Variants in XIRP2 observed in about 807,000 individuals in gnomAD.
XIRP2 encodes xin actin-binding repeat-containing protein 2.
Under a neutral mutation model 277.0 loss-of-function variants are expected in XIRP2, and 236 were observed. That is an observed-to-expected ratio of 0.85 (90% CI 0.77 to 0.95). XIRP2 has a LOEUF of 0.95. Ranked by LOEUF, XIRP2 falls within the 40% of genes least tolerant of loss-of-function variation. The pLI is 0.00. For synonymous variants in XIRP2, 1,490 were observed against 1,416.5 expected (o/e 1.05, Z -1.17); for missense variants, 4,640 against 4,157.5 (o/e 1.12, Z -3.19).
intron 3 of XIRP2, among the ~76,000 whole-genome samples, chr2:167,193,879 CAAAA>C (rs767047580): frequency 2.8e-5 from 2 of 71,794 alleles, no homozygotes; most frequent in Non-Finnish European, 2.8e-5. Flanking sequence ...GACTCTGTCT[CAAAA>C]AAAAAAAAAA....
At chr2:167,254,193 A>T (rs1240297613) in intron 10 of XIRP2, 28 bp downstream of exon 10, 1 of 1,600,488 alleles carries the variant, frequency 6.2e-7, no homozygotes, top group Non-Finnish European at 8.5e-7. Flanking sequence ...CTTTGCCACA[A>T]ATATTCCAGG....
chr2:167,130,397 T>G (rs1239203211), intron 2 of XIRP2, among the ~76,000 whole-genome samples: 3 of 152,184 alleles, frequency 2.0e-5, no homozygotes, highest in Non-Finnish European at 2.9e-5. Flanking sequence ...TCCATTTTCC[T>G]GGGACACCAT....
intron 3 of XIRP2, among the ~76,000 whole-genome samples, chr2:167,193,878 T>TAAAAAAA (rs1573947128): frequency 3.1e-5 from 2 of 65,388 alleles, no homozygotes; most frequent in Non-Finnish European, 5.6e-5. Flanking sequence ...AGACTCTGTC[T>TAAAAAAA]CAAAAAAAAA....
At chr2:167,174,407 T>A (rs1692779531) in intron 3 of XIRP2, among the ~76,000 whole-genome samples, 1 of 152,228 alleles carries the variant, frequency 6.6e-6, no homozygotes, top group African/African-American at 2.4e-5. Flanking sequence ...TGCTGAGAGA[T>A]GTTTATAATA....
chr2:166,951,133 T>G (rs1342253416), intron 2 of XIRP2, among the ~76,000 whole-genome samples: 1 of 152,064 alleles, frequency 6.6e-6, no homozygotes, highest in Admixed American at 6.6e-5. Context: ...TACTGCACAG[T>G]TTTAAACATA....
intron 2 of XIRP2, among the ~76,000 whole-genome samples, chr2:167,133,631 C>A (rs561861957): frequency 6.6e-6 from 1 of 152,168 alleles, no homozygotes; most frequent in East Asian, 1.9e-4. Context: ...CAGTATTCCA[C>A]CTTTTACCAA....
intron 3 of XIRP2, among the ~76,000 whole-genome samples, chr2:167,182,268 A>G (rs1335813170): frequency 6.6e-6 from 1 of 152,182 alleles, no homozygotes; most frequent in Admixed American, 6.6e-5. Context: ...TGTGTATGCT[A>G]GCTAATAATA....
rs1685555631 is a variant in XIRP2, at chr2:166,937,563, T to G, written c.408+33673T>G. Among the ~76,000 whole-genome samples the G allele has an allele frequency of 4.6e-5, 7 of 152,278 alleles. No homozygotes were observed. In the South Asian group the frequency reaches 1.5e-3, roughly 32 times the overall value. Reference sequence around the variant, plus strand: ...ATATTGGTCTAAAATTCTCTTTTTTTGTTGTGTCTCTGTCAGACTTTGGTA... The same window carrying G: ...ATATTGGTCTAAAATTCTCTTTTTTGGTTGTGTCTCTGTCAGACTTTGGTA... On this transcript the variant is annotated intron_variant, in intron 2 of 10. Transcript: ENST00000409195.
rs115257515 is a variant in XIRP2 at position 167,071,899 on chromosome 2, G to A, written c.409-64010G>A. On this transcript the variant is annotated intron_variant, in intron 2 of 10. Transcript: ENST00000409195. Reference sequence around the variant, plus strand: ...GTCCACAGATGGAGGAATCAAGACCGTAGAGGGGAAACACCCAGCAGCTAG... The same window carrying A: ...GTCCACAGATGGAGGAATCAAGACCATAGAGGGGAAACACCCAGCAGCTAG... 3.0e-3 allele frequency among the ~76,000 whole-genome samples: 450 copies of A among 152,262 alleles called. 1 individual carries two copies. Among genetic ancestry groups the A allele is most frequent in the African/African-American group, 0.01 (418 of 41,558 alleles).
At chr2:166,921,024 CAAG>C (rs1377626620) in intron 2 of XIRP2, among the ~76,000 whole-genome samples, 1 of 152,116 alleles carries the variant, frequency 6.6e-6, no homozygotes, top group Non-Finnish European at 1.5e-5. Flanking sequence ...TTTACACTAA[CAAG>C]AAGTTTATTT....
chr2:167,082,893 T>G (rs1574236031), intron 2 of XIRP2, among the ~76,000 whole-genome samples: 1 of 152,208 alleles, frequency 6.6e-6, no homozygotes, highest in African/African-American at 2.4e-5. Flanking sequence ...TTTTGTAGGT[T>G]GCCTGTTCAC....
chr2:167,243,415 G>C lies in XIRP2; in HGVS notation c.2023G>C (p.Glu675Gln). Reference sequence around the variant, plus strand: ...GAATAAAATGCATCAAAGTCAAGAAGAATCAGCGGTAACTATCAGTAAGGA... The same window carrying C: ...GAATAAAATGCATCAAAGTCAAGAACAATCAGCGGTAACTATCAGTAAGGA... ...SMNKMHQSQE[E>Q]SAVTISKDIT... Residue 675 changes from glutamate (E) to glutamine (Q), a missense_variant, in exon 9 of 11, where the codon GAA (glutamate) becomes CAA (glutamine). By Grantham distance (29) the Glu-to-Gln change is conservative (BLOSUM62 2). Coordinates refer to ENST00000409195, the MANE Select transcript of XIRP2 (RefSeq NM_152381.6). 6.2e-7 allele frequency: 1 copy of C among 1,614,020 alleles called. No individual in the cohort carries two copies. Among genetic ancestry groups the C allele is most frequent in the Non-Finnish European group, 8.5e-7 (1 of 1,179,970 alleles).
At chr2:167,170,505 A>G (rs1573931049) in intron 3 of XIRP2, among the ~76,000 whole-genome samples, 1 of 152,146 alleles carries the variant, frequency 6.6e-6, no homozygotes, top group South Asian at 2.1e-4. Context: ...AGCTATTTGT[A>G]TATTTTATTT....
intron 2 of XIRP2, among the ~76,000 whole-genome samples, chr2:166,937,667 A>G (rs977819240): frequency 3.9e-5 from 6 of 152,180 alleles, no homozygotes; most frequent in Non-Finnish European, 1.5e-5. Context: ...TTCAGAAGGA[A>G]TCGTACCAGC....
intron 2 of XIRP2, among the ~76,000 whole-genome samples, chr2:166,908,691 A>T (rs1684603330): frequency 6.6e-6 from 1 of 152,190 alleles, no homozygotes; most frequent in South Asian, 2.1e-4. Flanking sequence ...GTCCTTGCCC[A>T]TGCCTATGTC....
chr2:167,202,993 C>G (rs1377754529), intron 3 of XIRP2, among the ~76,000 whole-genome samples: 1 of 152,150 alleles, frequency 6.6e-6, no homozygotes, highest in African/African-American at 2.4e-5. Flanking sequence ...TCTCTTTTCT[C>G]TCCCATTTCA....
At chr2:166,970,147 A>C (rs1686542325) in intron 2 of XIRP2, among the ~76,000 whole-genome samples, 1 of 152,016 alleles carries the variant, frequency 6.6e-6, no homozygotes, top group Non-Finnish European at 1.5e-5. Context: ...CATTTTACTT[A>C]AAATGTTTTG....
At position 167,247,625 on chromosome 2, in the gene XIRP2, A is replaced by G. The variant is rs1165388003; in HGVS notation, c.6233A>G (p.Tyr2078Cys). The change falls in exon 9 of 11, where the codon TAT (tyrosine) becomes TGT (cysteine). Residue 2078 changes from tyrosine (Y) to cysteine (C), a missense_variant. Tyr to Cys is a radical substitution (Grantham distance 194, BLOSUM62 -2). Transcript: ENST00000409195. ...TTGEQHLRDE[Y>C]MSRQLTSTVS... ...GGAGAACAGCATCTTAGAGATGAAT[A>G]TATGAGCAGACAATTAACTTCAACT... The G allele has an allele frequency of 6.2e-7, 1 of 1,613,740 alleles. No individual in the cohort carries two copies. Among genetic ancestry groups the G allele is most frequent in the South Asian group, 1.1e-5 (1 of 91,074 alleles).
chr2:167,254,651 A>G (rs1323579117), intron 10 of XIRP2, among the ~76,000 whole-genome samples: 1 of 151,888 alleles, frequency 6.6e-6, no homozygotes, highest in African/African-American at 2.4e-5. Flanking sequence ...GTTCCAATAA[A>G]ACTTCATATA....
Sources: gnomAD v4.1 joint callset for allele counts (sites outside exome capture counted in the v4.1 genomes callset) on GRCh38, gnomAD v4.1.1 for gene constraint, MANE v1.5 for transcripts, NCBI Gene and HGNC (gene_info 2026-07-23, HGNC 2026-07-21) for gene names.